Variants in CDKL4 observed in about 807,000 individuals in gnomAD.
The protein encoded by CDKL4 is cyclin-dependent kinase-like 4.
In CDKL4, 44 loss-of-function variants were observed where a neutral mutation model predicts 42.0. The ratio of observed to expected loss-of-function variants is 1.05; its 90% CI spans 0.82 to 1.35. The LOEUF is 1.35. Ranked by LOEUF, CDKL4 falls within the 40% of genes most tolerant of loss-of-function variation. The pLI, the probability that CDKL4 is intolerant of heterozygous loss-of-function variation, is 0.00. For synonymous variants in CDKL4, 120 were observed against 121.6 expected, an observed-to-expected ratio of 0.99 and a Z score of 0.09; for missense variants, 393 against 369.9, an observed-to-expected ratio of 1.06 and a Z score of -0.51.
intron 8 of CDKL4, among the ~76,000 whole-genome samples, chr2:39,179,672 T>C (rs1422401924): frequency 1.3e-5 from 2 of 152,192 alleles, no homozygotes; most frequent in Non-Finnish European, 1.5e-5. Context: ...AGGAACTTCC[T>C]AGAAATGCGA....
intron 3 of CDKL4, among the ~76,000 whole-genome samples, chr2:39,221,020 T>C (rs1678323404): frequency 7.4e-6 from 1 of 135,344 alleles, no homozygotes; most frequent in Non-Finnish European, 1.6e-5. Context: ...TTTGTTTTGT[T>C]TTTGTTTTTT....
intron 2 of CDKL4, 106 bp downstream of exon 2, chr2:39,229,258 GA>G: frequency 2.5e-6 from 2 of 803,230 alleles, no homozygotes; most frequent in Non-Finnish European, 3.8e-6. Flanking sequence ...TGATACAAAG[GA>G]ATTTAAGTCC....
intron 5 of CDKL4, among the ~76,000 whole-genome samples, chr2:39,197,334 T>A (rs1396343301): frequency 2.0e-5 from 3 of 152,142 alleles, no homozygotes; most frequent in Non-Finnish European, 4.4e-5. Flanking sequence ...TGGTATTATG[T>A]TTAACGATGA....
chr2:39,170,520 G>C, the CDKL4 span, among the ~76,000 whole-genome samples: 1 of 151,920 alleles, frequency 6.6e-6, no homozygotes, highest in Non-Finnish European at 1.5e-5. Context: ...GCAAAGGCAC[G>C]ATCTTGGCTC....
At chr2:39,221,913 A>T (rs1031315559) in intron 3 of CDKL4, among the ~76,000 whole-genome samples, 2 of 152,250 alleles carry the variant, frequency 1.3e-5, no homozygotes, top group African/African-American at 4.8e-5. Flanking sequence ...CCTTGCATCA[A>T]CATTAACCCA....
At chr2:39,205,447 C>G (rs1337013958) in intron 4 of CDKL4, among the ~76,000 whole-genome samples, 1 of 151,898 alleles carries the variant, frequency 6.6e-6, no homozygotes, top group African/African-American at 2.4e-5. Flanking sequence ...TCATCCAAAT[C>G]AGGAGACTTC....
intron 3 of CDKL4, among the ~76,000 whole-genome samples, chr2:39,216,560 T>G (rs1276769128): frequency 2.0e-5 from 3 of 151,994 alleles, no homozygotes; most frequent in African/African-American, 7.3e-5. Flanking sequence ...AGAGAGAAAT[T>G]AGGAGGCTAA....
chr2:39,238,712 C>T (rs2148408721), intron 1 of CDKL4, among the ~76,000 whole-genome samples: 1 of 150,438 alleles, frequency 6.6e-6, no homozygotes, highest in Non-Finnish European at 1.5e-5. Flanking sequence ...AGAAATAAAC[C>T]CTTCTATTTA....
At chr2:39,182,037 A>T (rs1675469553) in intron 8 of CDKL4, among the ~76,000 whole-genome samples, 1 of 152,148 alleles carries the variant, frequency 6.6e-6, no homozygotes, top group African/African-American at 2.4e-5. Flanking sequence ...GCTACAGTGC[A>T]GTGGCATAAT....
chr2:39,185,068 TAAAG>T (rs1273279829), intron 7 of CDKL4, among the ~76,000 whole-genome samples: 2 of 148,272 alleles, frequency 1.3e-5, no homozygotes, highest in Non-Finnish European at 3.0e-5. Flanking sequence ...AACAACACTT[TAAAG>T]AAAGACTCTC....
chr2:39,213,532 G>T, intron 3 of CDKL4, 60 bp from the exon 4 acceptor site: 1 of 1,161,396 alleles, frequency 8.6e-7, no homozygotes, highest in Non-Finnish European at 1.3e-6. Flanking sequence ...AGAAGCAAGG[G>T]CTGGGAATAG....
At chr2:39,181,364 T>C (rs183049441) in intron 8 of CDKL4, among the ~76,000 whole-genome samples, 349 of 152,304 alleles carry the variant, frequency 2.3e-3, no homozygotes, top group African/African-American at 8.0e-3. Context: ...TCATCTGTTC[T>C]TGGTTTCTAG....
At chr2:39,170,447 T>TTTGTTG in the CDKL4 span, among the ~76,000 whole-genome samples, 1 of 151,818 alleles carries the variant, frequency 6.6e-6, no homozygotes, top group Non-Finnish European at 1.5e-5. Flanking sequence ...TTTTTAGTTT[T>TTTGTTG]TTGTTGTTGT....
At chr2:39,215,407 G>C (rs72921006) in intron 3 of CDKL4, among the ~76,000 whole-genome samples, 5,181 of 152,054 alleles carry the variant, frequency 0.034, 302 homozygotes, top group African/African-American at 0.12. Context: ...CAAATATTTT[G>C]CTCAGTGTTG....
intron 8 of CDKL4, 29 bp from the exon 9 acceptor site, chr2:39,179,350 T>C: frequency 6.5e-7 from 1 of 1,543,484 alleles, no homozygotes; most frequent in Non-Finnish European, 8.7e-7. Context: ...GCAAAGAAGA[T>C]GTTAAGGGAG....
chr2:39,186,999 C>A (rs917994860), intron 7 of CDKL4, among the ~76,000 whole-genome samples: 9 of 152,094 alleles, frequency 5.9e-5, no homozygotes, highest in Non-Finnish European at 1.3e-4. Flanking sequence ...TATGGTTTGG[C>A]TCTGTGTCCC....
intron 1 of CDKL4, among the ~76,000 whole-genome samples, chr2:39,243,035 G>T (rs935723373): frequency 6.8e-6 from 1 of 146,170 alleles, no homozygotes; most frequent in Non-Finnish European, 1.5e-5. Flanking sequence ...GGAGGTCAAG[G>T]TTGCTGAACC....
chr2:39,234,393 A>C (rs1679248796), intron 1 of CDKL4, among the ~76,000 whole-genome samples: 1 of 152,192 alleles, frequency 6.6e-6, no homozygotes, highest in African/African-American at 2.4e-5. Context: ...TGGGGCATTA[A>C]AGAAAGGCAG....
At chr2:39,208,701 C>CTTTTT (rs761337117) in intron 4 of CDKL4, among the ~76,000 whole-genome samples, 3 of 102,002 alleles carry the variant, frequency 2.9e-5, no homozygotes, top group Admixed American at 1.0e-4. Flanking sequence ...GACGGGCAAT[C>CTTTTT]TTTTTTTTTT....
Sources: gnomAD v4.1 joint callset for allele counts (sites outside exome capture counted in the v4.1 genomes callset) on GRCh38, gnomAD v4.1.1 for gene constraint, MANE v1.5 for transcripts, NCBI Gene and HGNC (gene_info 2026-07-23, HGNC 2026-07-21) for gene names.